CELSR2: variants seen among roughly 807,000 people sequenced by gnomAD.
The protein encoded by CELSR2 is cadherin EGF LAG seven-pass G-type receptor 2, also known as EGF-like protein 2.
CELSR2 carries 81 observed loss-of-function variants against 251.6 expected under a neutral mutation model. The ratio of observed to expected loss-of-function variants is 0.32; its 90% CI spans 0.27 to 0.39. The LOEUF is 0.39. CELSR2 is among the 10% of genes least tolerant of loss of function. The probability of loss-of-function intolerance (pLI) is 1.00; values close to 1 mark genes in which losing one functional copy is unlikely to be tolerated. For synonymous variants in CELSR2, 1,721 were observed against 1,670.5 expected (o/e 1.03, Z -0.74); for missense variants, 3,365 against 3,947.7 (o/e 0.85, Z 3.96).
rs776176770 is a variant in CELSR2 at position 109,264,516 on chromosome 1, C to T, written c.5352C>T (p.Ser1784=). The part of the protein sequence containing the change: ...VNSLDPSHGE[S]INVEQGCSLP... ...GCCTGGATCCCAGCCATGGGGAGAGCATCAACGTGGAGCAAGGCTGTAGCC... is the reference window on the plus strand; with the variant it reads ...GCCTGGATCCCAGCCATGGGGAGAGTATCAACGTGGAGCAAGGCTGTAGCC... Residue 1784 remains serine, a synonymous_variant, in exon 11 of 34, where the codon AGC becomes AGT. Coordinates refer to ENST00000271332, the MANE Select transcript of CELSR2 (RefSeq NM_001408.3). 4.3e-6 allele frequency: 7 copies of T among 1,614,068 alleles called. No homozygotes were observed. Among genetic ancestry groups the T allele is most frequent in the Admixed American group, 3.3e-5 (2 of 60,012 alleles).
Position 109,269,599 on chromosome 1 carries a change from T to C in CELSR2, c.6980+8T>C. ...CTGGAACCATTCAATCCTGTGAGCC[T>C]GCACTGCCCTCGCCCCCTCAGGCTT... On this transcript the variant is annotated splice_region_variant and intron_variant, in intron 21 of 33. Transcript: ENST00000271332. This position sits in a 1 kb window ranked among gnomAD's most constrained non-coding sequence, Gnocchi z 6.4. 1 of 1,613,904 alleles carries C rather than the reference T, an allele frequency of 6.2e-7. No individual in the cohort carries two copies. Among genetic ancestry groups the C allele is most frequent in the East Asian group, 2.2e-5 (1 of 44,870 alleles).
In CELSR2 at chr1:109,261,036, G is replaced by A. The variant is rs751390918; in HGVS notation, c.3959-6G>A. The A allele has an allele frequency of 1.4e-5, 22 of 1,602,518 alleles. No individual in the cohort carries two copies. The East Asian group carries it at 4.7e-4, about 34-fold the overall frequency. On this transcript the variant is annotated splice_region_variant and splice_polypyrimidine_tract_variant and intron_variant, in intron 2 of 33. Coordinates refer to ENST00000271332, the MANE Select transcript of CELSR2 (RefSeq NM_001408.3). The surrounding 1 kb of genome is among the most constrained non-coding windows in gnomAD (Gnocchi z 4.8). ...TTGGTACTCACCTGCCTTTCCTCTT[G>A]TCCAGGTGAGCACTGTGAGGTGAGT...
rs1655732168 is a variant in CELSR2, at chr1:109,252,736, A to G, written c.2657A>G (p.Gln886Arg). Residue 886 changes from glutamine (Q) to arginine (R), a missense_variant, in exon 1 of 34, where the codon CAG becomes CGG. Gln to Arg is a conservative substitution (Grantham distance 43). Transcript: ENST00000271332. The surrounding 1 kb of genome is among the most constrained non-coding windows in gnomAD (Gnocchi z 4.8). The part of the protein sequence containing the change: ...LRRLDRENVA[Q>R]YVLRAYAVDK... ...AGGCTGGATCGAGAGAACGTGGCCC[A>G]GTATGTCTTGCGGGCATATGCAGTG... 6.2e-7 allele frequency: 1 copy of G among 1,614,044 alleles called. No homozygotes were observed. The highest frequency in any genetic ancestry group is 8.5e-7 in the Non-Finnish European group (1 of 1,180,030).
intron 28 of CELSR2, 32 bp downstream of exon 28, chr1:109,271,754 G>A: frequency 1.2e-6 from 2 of 1,609,864 alleles, no homozygotes. Context: ...GGAGGGCGGT[G>A]AAGGGAGGGA....
At position 109,261,499 on chromosome 1, in the gene CELSR2, C is replaced by A. The variant is rs1656020951; in HGVS notation, c.4182-14C>A. On this transcript the variant is annotated splice_polypyrimidine_tract_variant and intron_variant, in intron 3 of 33. Transcript: ENST00000271332. This position sits in a 1 kb window ranked among gnomAD's most constrained non-coding sequence, Gnocchi z 4.8. ...GTACCCCATTCCCTGCCCCCATCCC[C>A]AACTCCTGTTCAGGTTTGCCACAAA... 2 of 1,611,698 alleles carry A rather than the reference C, an allele frequency of 1.2e-6. No homozygotes were observed. The highest frequency in any genetic ancestry group is 1.7e-6 in the Non-Finnish European group (2 of 1,177,908).
At chr1:109,260,435 G>C (rs1655985942) in intron 2 of CELSR2, among the ~76,000 whole-genome samples, 1 of 152,154 alleles carries the variant, frequency 6.6e-6, no homozygotes, top group African/African-American at 2.4e-5. Flanking sequence ...CAAGGTGGGA[G>C]TCCTCTGCCC....
intron 6 of CELSR2, 49 bp downstream of exon 6, chr1:109,262,493 G>A: frequency 6.3e-7 from 1 of 1,597,500 alleles, no homozygotes; most frequent in Non-Finnish European, 8.5e-7. Flanking sequence ...GGCAGGGCCA[G>A]GCAGGGAGGG....
chr1:109,266,444 G>A, intron 15 of CELSR2: 1 of 481,516 alleles, frequency 2.1e-6, no homozygotes, highest in Non-Finnish European at 3.7e-6. Context: ...GACAGAGTCT[G>A]TCACTGTCAC....
Position 109,264,641 on chromosome 1 carries a change from T to C in CELSR2, c.5464+13T>C. ...AGCTGTGATCCAGGTATGCTAAGGATCCAGGGCAACGGGCAGGTTATCAGG... is the reference window on the plus strand; with the variant it reads ...AGCTGTGATCCAGGTATGCTAAGGACCCAGGGCAACGGGCAGGTTATCAGG... On this transcript the variant is annotated intron_variant, in intron 11 of 33. Transcript: ENST00000271332. The C allele has an allele frequency of 6.2e-7, 1 of 1,605,258 alleles. No individual in the cohort carries two copies. Among genetic ancestry groups the C allele is most frequent in the Non-Finnish European group, 8.5e-7 (1 of 1,172,554 alleles).
At chr1:109,255,730 G>A (rs990154420) in intron 1 of CELSR2, among the ~76,000 whole-genome samples, 4 of 152,310 alleles carry the variant, frequency 2.6e-5, no homozygotes, top group Middle Eastern at 6.8e-3. Flanking sequence ...CTCAGGCAAC[G>A]TACTCCCCAC....
chr1:109,262,484 G>A (rs1283110728), intron 6 of CELSR2, 40 bp downstream of exon 6: 75 of 1,599,856 alleles, frequency 4.7e-5, no homozygotes, highest in Non-Finnish European at 6.4e-5. Context: ...TGAAGTGAGG[G>A]CAGGGCCAGG....
At chr1:109,257,093 G>A (rs1406422683) in intron 1 of CELSR2, among the ~76,000 whole-genome samples, 1 of 152,212 alleles carries the variant, frequency 6.6e-6, no homozygotes, top group Non-Finnish European at 1.5e-5. Flanking sequence ...AGTAGCTCAT[G>A]CCTGTAATCC....
rs769137558 is a variant in CELSR2, at chr1:109,268,861, T to C, written c.6503-19T>C. 6.3e-7 allele frequency: 1 copy of C among 1,594,690 alleles called. No homozygotes were observed. The highest frequency in any genetic ancestry group is 8.6e-7 in the Non-Finnish European group (1 of 1,165,098). ...CTGCCTGCCTCACAGGTCCGATCTG[T>C]GACCATCCCCTTCCTTAGTCATCTC... On this transcript the variant is annotated intron_variant, in intron 18 of 33. Transcript: ENST00000271332.
Position 109,268,891 on chromosome 1 carries a change from G to C in CELSR2, c.6514G>C (p.Val2172Leu). ...ATCCCCTTCCTTAGTCATCTCCGTA[G>C]TGCGCTTGGACAAAGGGAACTTTGC... ...IVTPNIVISV[V>L]RLDKGNFAGA... The change falls in exon 19 of 34, where the codon GTG becomes CTG. Residue 2172 changes from valine to leucine, a missense_variant. Coordinates refer to ENST00000271332, the MANE Select transcript of CELSR2 (RefSeq NM_001408.3). The C allele has an allele frequency of 6.2e-7, 1 of 1,610,298 alleles. No individual in the cohort carries two copies. Among genetic ancestry groups the C allele is most frequent in the Non-Finnish European group, 8.5e-7 (1 of 1,177,130 alleles).
chr1:109,250,479 G>C lies in CELSR2; in HGVS notation c.400G>C (p.Glu134Gln). ...SPQGKLTLPE[E>Q]HPCLKAPRLR... Reference sequence around the variant, plus strand: ...ACAGGGCAAGCTCACACTGCCCGAGGAGCACCCGTGCTTAAAGGCTCCACG... The same window carrying C: ...ACAGGGCAAGCTCACACTGCCCGAGCAGCACCCGTGCTTAAAGGCTCCACG... The change falls in exon 1 of 34, where the codon GAG becomes CAG. Residue 134 changes from glutamate (E) to glutamine (Q), a missense_variant. By Grantham distance (29) the Glu-to-Gln change is conservative (BLOSUM62 2). This residue lies in a region of CELSR2 where 704 missense variants were observed against 784.1 expected (regional missense o/e 0.90). Transcript: ENST00000271332. This position sits in a 1 kb window ranked among gnomAD's most constrained non-coding sequence, Gnocchi z 4.4. 1 of 1,613,752 alleles carries C rather than the reference G, an allele frequency of 6.2e-7. No individual in the cohort carries two copies. The highest frequency in any genetic ancestry group is 2.2e-5 in the East Asian group (1 of 44,880).
In CELSR2 at chr1:109,266,181, T is replaced by C. The variant is rs1458165077; in HGVS notation, c.5988T>C (p.Ala1996=). 5.6e-6 allele frequency: 9 copies of C among 1,614,050 alleles called. No individual in the cohort carries two copies. The highest frequency in any genetic ancestry group is 7.6e-6 in the Non-Finnish European group (9 of 1,180,034). Residue 1996 remains alanine, a synonymous_variant, in exon 15 of 34, where the codon GCT becomes GCC. Transcript: ENST00000271332. Reference sequence around the variant, plus strand: ...GTACCCGCTTCGGGCTGCCTGCTGCTGCTCCCTGTCCCAAAGGCTCCTTTG... The same window carrying C: ...GTACCCGCTTCGGGCTGCCTGCTGCCGCTCCCTGTCCCAAAGGCTCCTTTG... ...WPRTRFGLPA[A]APCPKGSFGT...
At chr1:109,263,482 C>A in intron 8 of CELSR2, 129 bp from the exon 9 acceptor site, 4 of 1,422,878 alleles carry the variant, frequency 2.8e-6, no homozygotes, top group South Asian at 2.6e-5. Context: ...GGCAGGTACG[C>A]ACTTTGGAGG....
intron 2 of CELSR2, among the ~76,000 whole-genome samples, chr1:109,259,951 T>C (rs1486040123): frequency 6.6e-6 from 1 of 152,036 alleles, no homozygotes; most frequent in Admixed American, 6.5e-5. Flanking sequence ...CCCTTCCCTG[T>C]GGGCCTTTCC....
At chr1:109,273,408 C>G in intron 32 of CELSR2, 28 bp from the exon 33 acceptor site, 1 of 1,607,566 alleles carries the variant, frequency 6.2e-7, no homozygotes, top group Non-Finnish European at 8.5e-7. Context: ...CCTGTGGCCG[C>G]ACCTCACAGC....
Sources: gnomAD v4.1 joint callset for allele counts (sites outside exome capture counted in the v4.1 genomes callset) on GRCh38, gnomAD v4.1.1 for gene constraint, gnomAD v4.1.1 regional missense constraint, Gnocchi (gnomAD v3.1) non-coding constraint, MANE v1.5 for transcripts, NCBI Gene and HGNC (gene_info 2026-07-23, HGNC 2026-07-21) for gene names.